MMP2: variants seen among roughly 807,000 people sequenced by gnomAD.
The protein encoded by MMP2 is matrix metallopeptidase 2.
MMP2 carries 39 observed loss-of-function variants against 74.8 expected under a neutral mutation model. That is an observed-to-expected ratio of 0.52 (90% CI 0.40 to 0.68). MMP2 has a LOEUF of 0.68. Ranked by LOEUF, MMP2 falls within the 30% of genes least tolerant of loss-of-function variation. The pLI, the probability that MMP2 is intolerant of heterozygous loss-of-function variation, is 0.00. For missense variants in MMP2, 803 were observed against 878.3 expected (o/e 0.91, Z 1.08); for synonymous variants, 367 against 339.8 (o/e 1.08, Z -0.88).
intron 1 of MMP2, among the ~76,000 whole-genome samples, chr16:55,482,657 G>A (rs1962133366): frequency 6.6e-6 from 1 of 152,174 alleles, no homozygotes; most frequent in Admixed American, 6.5e-5. Flanking sequence ...TTTAGTGCCT[G>A]GACATATAGT....
At chr16:55,496,896 G>A in intron 9 of MMP2, 30 bp from the exon 10 acceptor site, 1 of 1,612,776 alleles carries the variant, frequency 6.2e-7, no homozygotes, top group Non-Finnish European at 8.5e-7. Flanking sequence ...CTGAAGATGT[G>A]GTTTCCTGTG....
chr16:55,503,685 T>C (rs1421440511), intron 12 of MMP2, among the ~76,000 whole-genome samples: 1 of 152,174 alleles, frequency 6.6e-6, no homozygotes, highest in Non-Finnish European at 1.5e-5. Flanking sequence ...AATGAGATTA[T>C]GTATGTCAGG....
At chr16:55,481,732 G>C in intron 1 of MMP2, 1 of 654,104 alleles carries the variant, frequency 1.5e-6, no homozygotes, top group African/African-American at 1.8e-5. Flanking sequence ...AGACCGCTTG[G>C]CTTCAAATCA....
chr16:55,485,354 C>T lies in MMP2; in HGVS notation c.585C>T (p.Phe195=), dbSNP rs199814532. The T allele has an allele frequency of 4.4e-5, 71 of 1,614,084 alleles. 1 individual carries two copies. In the Middle Eastern group the frequency reaches 9.9e-4, roughly 23 times the overall value. Reference sequence around the variant, plus strand: ...AGGACGGACTCCTGGCTCATGCCTTCGCCCCAGGCACTGGTGTTGGGGGAG... The same window carrying T: ...AGGACGGACTCCTGGCTCATGCCTTTGCCCCAGGCACTGGTGTTGGGGGAG... ...DGKDGLLAHA[F]APGTGVGGDS... Residue 195 remains phenylalanine, a synonymous_variant, in exon 4 of 13, where the codon TTC becomes TTT. Coordinates refer to ENST00000219070, the MANE Select transcript of MMP2 (RefSeq NM_004530.6).
intron 11 of MMP2, among the ~76,000 whole-genome samples, chr16:55,502,444 A>T (rs538954516): frequency 6.6e-6 from 1 of 152,222 alleles, no homozygotes; most frequent in South Asian, 2.1e-4. Context: ...AATTAGACAC[A>T]ACCCCATTTT....
At chr16:55,495,880 G>A (rs1449130861) in intron 9 of MMP2, among the ~76,000 whole-genome samples, 1 of 152,136 alleles carries the variant, frequency 6.6e-6, no homozygotes, top group Non-Finnish European at 1.5e-5. Context: ...AGTGGCAGTT[G>A]GGGCTCTAAT....
intron 6 of MMP2, 105 bp downstream of exon 6, chr16:55,488,821 G>A: frequency 2.4e-6 from 3 of 1,227,884 alleles, no homozygotes; most frequent in African/African-American, 1.5e-5. Context: ...CAAGACAGGG[G>A]TGCTAAGACA....
chr16:55,492,041 C>A, intron 8 of MMP2, 85 bp downstream of exon 8: 1 of 1,354,932 alleles, frequency 7.4e-7, no homozygotes, highest in South Asian at 1.3e-5. Context: ...GGGGTGGGAC[C>A]AGCAAGATCT....
chr16:55,489,370 G>T (rs1962342883), intron 6 of MMP2, among the ~76,000 whole-genome samples: 1 of 152,208 alleles, frequency 6.6e-6, no homozygotes, highest in Non-Finnish European at 1.5e-5. Context: ...CTGGAATCTG[G>T]CTTCCTGGGT....
intron 9 of MMP2, among the ~76,000 whole-genome samples, chr16:55,495,853 G>A (rs1962517703): frequency 6.6e-6 from 1 of 152,184 alleles, no homozygotes; most frequent in Non-Finnish European, 1.5e-5. Flanking sequence ...CTACCTCATG[G>A]TCACAAGAAG....
intron 6 of MMP2, among the ~76,000 whole-genome samples, chr16:55,489,406 A>G (rs1383077512): frequency 6.6e-6 from 1 of 151,992 alleles, no homozygotes; most frequent in Non-Finnish European, 1.5e-5. Context: ...GATACTTCCT[A>G]GCAGTGTTGG....
chr16:55,481,662 TG>T (rs1962105902), intron 1 of MMP2: 1 of 521,324 alleles, frequency 1.9e-6, no homozygotes, highest in Non-Finnish European at 3.5e-6. Flanking sequence ...CTCTGACAAA[TG>T]GAAGTCTGTG....
At position 55,491,860 on chromosome 16, in the gene MMP2, T is replaced by G. The variant is rs1962413761; in HGVS notation, c.1240T>G (p.Ser414Ala). ...EFGHAMGLEH[S>A]QDPGALMAPI... ...TGGCCACGCCATGGGGCTGGAGCAC[T>G]CCCAAGACCCTGGGGCCCTGATGGC... Residue 414 changes from serine (S) to alanine (A), a missense_variant, in exon 8 of 13, where the codon TCC becomes GCC. By Grantham distance (99) the Ser-to-Ala change is moderately conservative. This residue lies in a region of MMP2 where 555 missense variants were observed against 592.0 expected (regional missense o/e 0.94). Transcript: ENST00000219070. 1 of 1,613,988 alleles carries G rather than the reference T, an allele frequency of 6.2e-7. No individual in the cohort carries two copies. The highest frequency in any genetic ancestry group is 8.5e-7 in the Non-Finnish European group (1 of 1,180,022).
At position 55,502,850 on chromosome 16, in the gene MMP2, C is replaced by G; in HGVS notation, c.1841C>G (p.Pro614Arg). The change falls in exon 12 of 13, where the codon CCC becomes CGC. Residue 614 changes from proline (P) to arginine (R), a missense_variant. Transcript: ENST00000219070. Reference protein sequence around the residue: ...KLIADAWNAIPDNLDAVVDLQ... With the variant: ...KLIADAWNAIRDNLDAVVDLQ... ...ATCGCAGATGCCTGGAATGCCATCC[C>G]CGATAACCTGGATGCCGTCGTGGAC... is the stretch of plus-strand genomic sequence containing the variant. 6.2e-7 allele frequency: 1 copy of G among 1,614,108 alleles called. No individual in the cohort carries two copies. The highest frequency in any genetic ancestry group is 8.5e-7 in the Non-Finnish European group (1 of 1,180,036).
intron 3 of MMP2, 25 bp from the exon 4 acceptor site, chr16:55,485,265 ACAGCTAGAC>A (rs1381485750): frequency 6.2e-7 from 1 of 1,614,022 alleles, no homozygotes; most frequent in Non-Finnish European, 8.5e-7. Flanking sequence ...TCTAGGTGGC[ACAGCTAGAC>A]GCTAAGACCC....
At chr16:55,481,729 T>C (rs1171148816) in intron 1 of MMP2, 1 of 651,492 alleles carries the variant, frequency 1.5e-6, no homozygotes, top group Admixed American at 2.4e-5. Context: ...CTTAGACCGC[T>C]TGGCTTCAAA....
chr16:55,479,449 C>G lies in MMP2; in HGVS notation c.-31C>G, dbSNP rs1266939693. ...CCACACGCACCGAGCCAGCGACCCC[C>G]GGGCGACGCGCGGGGCCAGGGAGCG... On this transcript the variant is annotated 5_prime_UTR_variant, in exon 1 of 13. Coordinates refer to ENST00000219070, the MANE Select transcript of MMP2 (RefSeq NM_004530.6). 4.1e-6 allele frequency: 6 copies of G among 1,470,422 alleles called. No homozygotes were observed. The highest frequency in any genetic ancestry group is 1.5e-5 in the African/African-American group (1 of 68,098). The allele number at this position is 1,470,422 out of a possible 1,614,324, so 91.1% of individuals were successfully genotyped here. A position where few individuals can be genotyped will look rare whatever the true frequency, so the allele number is the denominator to read the frequency against.
chr16:55,482,761 G>A, intron 1 of MMP2, 148 bp from the exon 2 acceptor site: 1 of 713,292 alleles, frequency 1.4e-6, no homozygotes, highest in Non-Finnish European at 2.5e-6. Context: ...TGGGAACCCA[G>A]TACTCCACCC....
intron 8 of MMP2, among the ~76,000 whole-genome samples, chr16:55,492,330 T>C (rs1275595245): frequency 1.3e-5 from 2 of 152,190 alleles, no homozygotes; most frequent in Non-Finnish European, 2.9e-5. Flanking sequence ...TCATGTGGAA[T>C]GACCTTAACA....
Sources: gnomAD v4.1 joint callset for allele counts (sites outside exome capture counted in the v4.1 genomes callset) on GRCh38, gnomAD v4.1.1 for gene constraint, gnomAD v4.1.1 regional missense constraint, MANE v1.5 for transcripts, NCBI Gene and HGNC (gene_info 2026-07-23, HGNC 2026-07-21) for gene names.